ADGRL3: variants seen among roughly 807,000 people sequenced by gnomAD.
The protein encoded by ADGRL3 is adhesion G protein-coupled receptor L3.
ADGRL3 carries 62 observed loss-of-function variants against 153.5 expected under a neutral mutation model. The observed-to-expected ratio is 0.40, with a 90% confidence interval of 0.33 to 0.50. The LOEUF is 0.50. Among genes scored for constraint, ADGRL3 ranks in the 20% least tolerant of loss-of-function variants. The pLI is 0.47. For missense variants in ADGRL3, 1,641 were observed against 1,859.4 expected (o/e 0.88, Z 2.16); for synonymous variants, 710 against 672.5 (o/e 1.06, Z -0.86).
At chr4:61,597,395 G>C (rs887098587) in intron 5 of ADGRL3, among the ~76,000 whole-genome samples, 1 of 152,042 alleles carries the variant, frequency 6.6e-6, no homozygotes, top group Non-Finnish European at 1.5e-5. Flanking sequence ...TAAGCTTATT[G>C]ATGTTGTTGA....
Position 62,031,439 on chromosome 4 carries a change from C to T in ADGRL3, c.3423-3C>T, listed in dbSNP as rs1222542576. Reference sequence around the variant, plus strand: ...AACCCTTAATTTTCTCTTCTCTCTACAGGTCATGGGTTATAGGTGCAATAG... The same window carrying T: ...AACCCTTAATTTTCTCTTCTCTCTATAGGTCATGGGTTATAGGTGCAATAG... On this transcript the variant is annotated splice_region_variant and splice_polypyrimidine_tract_variant and intron_variant, in intron 22 of 26. Coordinates refer to ENST00000683033, the MANE Select transcript of ADGRL3 (RefSeq NM_001387552.1). 2 of 1,598,136 alleles carry T rather than the reference C, an allele frequency of 1.3e-6. No homozygotes were observed. The highest frequency in any genetic ancestry group is 2.2e-5 in the East Asian group (1 of 44,650).
At chr4:61,831,411 T>TAAAAAAAAAAAAAAAAAAAAAAAAAAA (rs1166970099) in intron 9 of ADGRL3, among the ~76,000 whole-genome samples, 2 of 37,302 alleles carry the variant, frequency 5.4e-5, no homozygotes, top group Non-Finnish European at 9.5e-5. Flanking sequence ...AGATGCTAAG[T>TAAAAAAAAAAAAAAAAAAAAAAAAAAA]AAAAAAAAAA....
chr4:61,672,689 T>C (rs1406901194), intron 5 of ADGRL3, among the ~76,000 whole-genome samples: 2 of 151,922 alleles, frequency 1.3e-5, no homozygotes, highest in African/African-American at 2.4e-5. Context: ...TTGATGACAA[T>C]GTAGAGGGAA....
chr4:61,907,317 G>A (rs2098700644), intron 11 of ADGRL3, among the ~76,000 whole-genome samples: 1 of 152,036 alleles, frequency 6.6e-6, no homozygotes, highest in Non-Finnish European at 1.5e-5. Flanking sequence ...GGAGTGCAGT[G>A]GTGCGATCTC....
chr4:61,287,585 C>T (rs149797683), intron 1 of ADGRL3, among the ~76,000 whole-genome samples: 52 of 151,986 alleles, frequency 3.4e-4, no homozygotes, highest in Middle Eastern at 6.8e-3. Context: ...ATGTAGCTTT[C>T]GGTCTGACAA....
chr4:61,552,275 C>G (rs1579485445), intron 4 of ADGRL3, among the ~76,000 whole-genome samples: 1 of 152,072 alleles, frequency 6.6e-6, no homozygotes, highest in East Asian at 1.9e-4. Flanking sequence ...ACTTTTTAAT[C>G]TATAGTTCAG....
At chr4:61,935,733 A>C (rs2150151309) in intron 14 of ADGRL3, among the ~76,000 whole-genome samples, 190 bp from the exon 15 acceptor site, 1 of 152,268 alleles carries the variant, frequency 6.6e-6, no homozygotes, top group East Asian at 1.9e-4. Flanking sequence ...TATTTACATA[A>C]TTTTAGTAAC....
intron 11 of ADGRL3, among the ~76,000 whole-genome samples, chr4:61,903,986 C>T (rs1167877733): frequency 6.6e-6 from 1 of 151,390 alleles, no homozygotes; most frequent in East Asian, 2.0e-4. Flanking sequence ...CCAGGCTGGT[C>T]TCCAGCTCCT....
In ADGRL3 at chr4:61,302,491, A is replaced by T. The variant is rs1019228589; in HGVS notation, c.-239-80633A>T. Among the ~76,000 whole-genome samples, 4 of 152,188 alleles carry T rather than the reference A, an allele frequency of 2.6e-5. No individual in the cohort carries two copies. In the East Asian group the frequency reaches 5.8e-4, roughly 22 times the overall value. The stretch of plus-strand genomic sequence containing the variant: ...CAGTGTGTGGAACTGAGCATTATTT[A>T]CTTTAATCTTTCATTTTCTCTTTTT... On this transcript the variant is annotated intron_variant, in intron 1 of 26. Transcript: ENST00000683033.
chr4:61,822,678 A>G (rs2097766582), intron 9 of ADGRL3, among the ~76,000 whole-genome samples: 1 of 152,184 alleles, frequency 6.6e-6, no homozygotes, highest in Non-Finnish European at 1.5e-5. Context: ...CTTGTGGTCT[A>G]TAATTCATAT....
At chr4:62,023,976 A>G (rs1018983834) in intron 21 of ADGRL3, among the ~76,000 whole-genome samples, 1 of 152,168 alleles carries the variant, frequency 6.6e-6, no homozygotes. Context: ...ATTTAATTGT[A>G]TAAATGAAGT....
chr4:62,016,108 G>A (rs1560509699), intron 21 of ADGRL3, among the ~76,000 whole-genome samples: 2 of 151,550 alleles, frequency 1.3e-5, no homozygotes, highest in African/African-American at 4.9e-5. Flanking sequence ...GAGTGCAGTG[G>A]CCTGATCTCG....
At chr4:61,881,470 C>T (rs1160943147) in intron 9 of ADGRL3, among the ~76,000 whole-genome samples, 5 of 152,200 alleles carry the variant, frequency 3.3e-5, no homozygotes, top group Non-Finnish European at 7.3e-5. Flanking sequence ...CCTCCGCCTC[C>T]CAGGCTCAAG....
intron 1 of ADGRL3, among the ~76,000 whole-genome samples, chr4:61,277,409 AT>A (rs1306651324): frequency 6.6e-6 from 1 of 152,184 alleles, no homozygotes; most frequent in Non-Finnish European, 1.5e-5. Flanking sequence ...AGAAACACAC[AT>A]ATTAGTTCCA....
intron 1 of ADGRL3, among the ~76,000 whole-genome samples, chr4:61,287,557 A>G (rs2093986852): frequency 6.6e-6 from 1 of 151,990 alleles, no homozygotes; most frequent in Non-Finnish European, 1.5e-5. Context: ...GCATTACCAA[A>G]CTATAAATTA....
At chr4:61,898,816 C>T (rs547800471) in intron 11 of ADGRL3, among the ~76,000 whole-genome samples, 103 of 152,080 alleles carry the variant, frequency 6.8e-4, no homozygotes, top group African/African-American at 2.4e-3. Flanking sequence ...GAGGTTTCAC[C>T]ATGTTGCCCA....
chr4:61,458,662 C>G (rs1056830112), intron 2 of ADGRL3, among the ~76,000 whole-genome samples: 11 of 151,430 alleles, frequency 7.3e-5, no homozygotes, highest in African/African-American at 2.7e-4. Flanking sequence ...TGCCAAGAAA[C>G]TAAATTTACC....
intron 19 of ADGRL3, 149 bp downstream of exon 19, chr4:61,983,752 T>G (rs1239231995): frequency 1.5e-6 from 1 of 683,890 alleles, no homozygotes; most frequent in Non-Finnish European, 2.4e-6. Flanking sequence ...TTGGTTATGA[T>G]GTAAAAAGAA....
At chr4:62,042,477 C>A (rs1299965493) in intron 24 of ADGRL3, among the ~76,000 whole-genome samples, 3 of 151,366 alleles carry the variant, frequency 2.0e-5, no homozygotes, top group Non-Finnish European at 4.4e-5. Context: ...AGAAGAGCAC[C>A]CCAGACAGAG....
Sources: allele counts gnomAD v4.1 joint callset (sites outside exome capture counted in the v4.1 genomes callset), GRCh38; gene constraint gnomAD v4.1.1; transcripts MANE v1.5; gene names NCBI Gene and HGNC (gene_info 2026-07-23, HGNC 2026-07-21).